The following DENND2B variants were observed in gnomAD, a reference collection of about 807,000 sequenced individuals.
The protein encoded by DENND2B is DENN domain-containing protein 2B.
A neutral mutation model predicts 116.0 loss-of-function variants in DENND2B; 32 were observed. The ratio of observed to expected loss-of-function variants is 0.28; its 90% CI spans 0.21 to 0.37. The LOEUF is 0.37. DENND2B is among the 10% of genes least tolerant of loss of function. The pLI is 1.00. For synonymous variants in DENND2B, 588 were observed against 583.9 expected, an observed-to-expected ratio of 1.01 and a Z score of -0.10; for missense variants, 1,276 against 1,477.7, an observed-to-expected ratio of 0.86 and a Z score of 2.24.
intron 5 of DENND2B, among the ~76,000 whole-genome samples, 192 bp downstream of exon 5, chr11:8,717,547 GCA>G (rs2045134026): frequency 6.6e-6 from 1 of 152,178 alleles, no homozygotes; most frequent in Admixed American, 6.5e-5. Context: ...ATCCTTGAGT[GCA>G]CAGTCCTTTG....
At chr11:8,715,979 T>C in intron 5 of DENND2B, 161 bp from the exon 6 acceptor site, 1 of 646,590 alleles carries the variant, frequency 1.5e-6, no homozygotes, top group Non-Finnish European at 2.5e-6. Flanking sequence ...TAGCTGCTAA[T>C]CAGCCAGGTC....
chr11:8,885,437 A>T (rs1258604391), intron 1 of DENND2B, among the ~76,000 whole-genome samples: 1 of 149,526 alleles, frequency 6.7e-6, no homozygotes, highest in East Asian at 2.0e-4. Flanking sequence ...CTCACAATTA[A>T]CTGTAGTATG....
intron 1 of DENND2B, among the ~76,000 whole-genome samples, chr11:8,773,435 T>C (rs1477215227): frequency 6.6e-6 from 1 of 152,138 alleles, no homozygotes; most frequent in Non-Finnish European, 1.5e-5. Context: ...GCTGAAAATA[T>C]TAACACTCCC....
At position 8,707,744 on chromosome 11, in the gene DENND2B, G is replaced by A. The variant is rs998000763; in HGVS notation, c.2430+33C>T. The A allele has an allele frequency of 5.1e-6, 8 of 1,581,698 alleles. No individual in the cohort carries two copies. The highest frequency in any genetic ancestry group is 6.9e-6 in the Non-Finnish European group (8 of 1,163,236). ...ACTCCTGTGGGAGCTGTCAGCTGGG[G>A]GACGGGGAGGGAAGCCTGCCAGAGC... On this transcript the variant is annotated intron_variant, in intron 12 of 19. Transcript: ENST00000313726. The surrounding 1 kb of genome is among the most constrained non-coding windows in gnomAD (Gnocchi z 4.8).
Position 8,801,187 on chromosome 11 carries a change from G to A in DENND2B, c.-26+9330C>T, listed in dbSNP as rs763744906. 7.2e-5 allele frequency among the ~76,000 whole-genome samples: 11 copies of A among 151,882 alleles called. 1 individual carries two copies. Among genetic ancestry groups the A allele is most frequent in the Non-Finnish European group, 1.6e-4 (11 of 68,004 alleles). ...CAGAGAGGGGCCCGCTCAGCCTAGA[G>A]GCTCTTTTGATTCAGCCAGACTCCC... On this transcript the variant is annotated intron_variant, in intron 1 of 19. Transcript: ENST00000313726.
rs2047838900 is a variant in DENND2B at position 8,730,027 on chromosome 11, G to C, written c.1263C>G (p.Pro421=). 2 of 1,614,116 alleles carry C rather than the reference G, an allele frequency of 1.2e-6. No individual in the cohort carries two copies. Among genetic ancestry groups the C allele is most frequent in the African/African-American group, 2.7e-5 (2 of 74,938 alleles). The change falls in exon 3 of 20, where the codon CCC becomes CCG. Residue 421 remains proline, a synonymous_variant. Coordinates refer to ENST00000313726, the MANE Select transcript of DENND2B (RefSeq NM_213618.2). The surrounding 1 kb of genome is among the most constrained non-coding windows in gnomAD (Gnocchi z 4.1). ...PPSPTPAAPP[P]LPSTPAPPVT... Reference sequence around the variant, plus strand: ...CTGGCGGGGCTGGGGTGGAGGGCAAGGGAGGTGGAGCAGCAGGTGTGGGTG... The same window carrying C: ...CTGGCGGGGCTGGGGTGGAGGGCAACGGAGGTGGAGCAGCAGGTGTGGGTG...
At chr11:8,895,483 C>T (rs1194783618) in intron 1 of DENND2B, 1 of 152,040 alleles carries the variant, frequency 6.6e-6, no homozygotes. Flanking sequence ...TGAAATAAGC[C>T]AGTCACGAGA....
chr11:8,864,746 T>C (rs892943052), intron 2 of DENND2B, among the ~76,000 whole-genome samples: 1 of 152,208 alleles, frequency 6.6e-6, no homozygotes, highest in Non-Finnish European at 1.5e-5. Context: ...ATATAAATGA[T>C]AGTGATACAG....
In DENND2B at chr11:8,699,473, T is replaced by C. The variant is rs1034964942; in HGVS notation, c.2721-83A>G. On this transcript the variant is annotated intron_variant, in intron 14 of 19. Transcript: ENST00000313726. ...GCTGGAGGCTCAGGACAGCCTTTGA[T>C]CGTAAACCTCCCAGTGCAACAAAAA... is the stretch of plus-strand genomic sequence containing the variant. 1.4e-5 allele frequency: 19 copies of C among 1,383,868 alleles called. No homozygotes were observed. The African/African-American group carries it at 1.9e-4, about 14-fold the overall frequency. The allele number at this position is 1,383,868 out of a possible 1,614,324, so 85.7% of individuals were successfully genotyped here.
chr11:8,901,018 T>C (rs2064160964), intron 1 of DENND2B, among the ~76,000 whole-genome samples: 1 of 151,266 alleles, frequency 6.6e-6, no homozygotes. Context: ...CCCAAAGTGC[T>C]GGAATTACAG....
intron 1 of DENND2B, among the ~76,000 whole-genome samples, chr11:8,888,549 G>A (rs1298913651): frequency 6.6e-6 from 1 of 152,122 alleles, no homozygotes; most frequent in East Asian, 1.9e-4. Flanking sequence ...AAAGGCACAG[G>A]CAGCAAAAGA....
intron 1 of DENND2B, chr11:8,809,261 G>A (rs1413621712): frequency 6.6e-6 from 1 of 152,196 alleles, no homozygotes; most frequent in Non-Finnish European, 1.5e-5. Context: ...TGGGGACATG[G>A]CCAGTGCTTG....
At chr11:8,771,378 T>C (rs543877935) in intron 1 of DENND2B, among the ~76,000 whole-genome samples, 1 of 152,064 alleles carries the variant, frequency 6.6e-6, no homozygotes, top group Non-Finnish European at 1.5e-5. Context: ...ACTACCAGCA[T>C]GCAGGGGCTG....
intron 2 of DENND2B, among the ~76,000 whole-genome samples, chr11:8,862,320 CTCTTTTT>C (rs1195125024): frequency 8.2e-6 from 1 of 121,808 alleles, no homozygotes; most frequent in Non-Finnish European, 1.7e-5. Flanking sequence ...AACTTTTTCA[CTCTTTTT>C]TTTTTTTTTT....
intron 2 of DENND2B, among the ~76,000 whole-genome samples, chr11:8,734,052 C>T (rs2048551492): frequency 6.6e-6 from 1 of 152,160 alleles, no homozygotes; most frequent in Admixed American, 6.5e-5. Flanking sequence ...GACCTGAAGC[C>T]CCATATCACA....
chr11:8,779,835 T>C (rs1399992056), intron 1 of DENND2B, among the ~76,000 whole-genome samples: 1 of 152,162 alleles, frequency 6.6e-6, no homozygotes, highest in African/African-American at 2.4e-5. Context: ...TTTTCTGTGC[T>C]ACTCCAAAAT....
intron 3 of DENND2B, among the ~76,000 whole-genome samples, chr11:8,729,600 T>G (rs150536417): frequency 7.5e-4 from 114 of 152,228 alleles, no homozygotes; most frequent in Non-Finnish European, 1.4e-3. Context: ...ATCCTACTAC[T>G]CCGCAAAGGA....
intron 1 of DENND2B, among the ~76,000 whole-genome samples, chr11:8,778,929 C>T (rs953969019): frequency 6.6e-6 from 1 of 152,260 alleles, no homozygotes; most frequent in African/African-American, 2.4e-5. Flanking sequence ...CACGTCTTTC[C>T]ATTCCCACTT....
rs1565681007 is a variant in DENND2B at position 8,712,598 on chromosome 11, GCTT to G, written c.2122_2124del (p.Lys708del). ...TCGGGGAGGTAGGTGTTTCGCGATGGCTTCTTCTTGAGGGACACCACCACAAAG... is the reference window on the plus strand; with the variant it reads ...TCGGGGAGGTAGGTGTTTCGCGATGGCTTCTTGAGGGACACCACCACAAAG... On this transcript the variant is annotated inframe_deletion, in exon 9 of 20. Coordinates refer to ENST00000313726, the MANE Select transcript of DENND2B (RefSeq NM_213618.2). This position sits in a 1 kb window ranked among gnomAD's most constrained non-coding sequence, Gnocchi z 4.4. 3.8e-6 allele frequency: 6 copies of G among 1,559,616 alleles called. No homozygotes were observed. The highest frequency in any genetic ancestry group is 4.8e-5 in the East Asian group (2 of 41,820).
Sources: allele counts gnomAD v4.1 joint callset (sites outside exome capture counted in the v4.1 genomes callset), GRCh38; gene constraint gnomAD v4.1.1; non-coding constraint Gnocchi (gnomAD v3.1); transcripts MANE v1.5; gene names NCBI Gene and HGNC (gene_info 2026-07-23, HGNC 2026-07-21).